Variants in PFKFB1 observed in about 807,000 individuals in gnomAD.
PFKFB1 encodes 6-phosphofructo-2-kinase/fructose-2,6-biphosphatase 1.
In PFKFB1, 34 loss-of-function variants were observed where a neutral mutation model predicts 46.4. That is an observed-to-expected ratio of 0.73 (90% confidence interval 0.56 to 0.98). The LOEUF is 0.98. Among genes scored for constraint, PFKFB1 ranks in the 50% least tolerant of loss-of-function variants. The probability of loss-of-function intolerance (pLI) is 0.00; values close to 1 mark genes in which losing one functional copy is unlikely to be tolerated. For synonymous variants in PFKFB1, 119 were observed against 133.8 expected (o/e 0.89, Z 0.76); for missense variants, 393 against 376.3 (o/e 1.04, Z -0.37).
At position 54,933,065 on chromosome X, in the gene PFKFB1, C is replaced by G. The variant is rs5960056; in HGVS notation, c.*338G>C. On this transcript the variant is annotated 3_prime_UTR_variant, in exon 14 of 14. Coordinates refer to ENST00000375006, the MANE Select transcript of PFKFB1 (RefSeq NM_002625.4). ...CTTTTCCCTCCAGGAAATCCTCACC[C>G]ATTCCATGCCCTCACAGCAGCAGAG... is the stretch of plus-strand genomic sequence containing the variant. The G allele has an allele frequency of 0.011, 2,326 of 209,983 alleles. 36 individuals carry two copies. The highest frequency in any genetic ancestry group is 0.062 in the African/African-American group (2,160 of 34,983). 17.3% of individuals were successfully genotyped at this position (209,983 alleles called of 1,213,427 possible).
At chrX:54,976,687 T>A (rs1056401155) in intron 1 of PFKFB1, among the ~76,000 whole-genome samples, 22 of 111,603 alleles carry the variant, frequency 2.0e-4, no homozygotes, top group African/African-American at 7.1e-4. Flanking sequence ...AAAATGTATA[T>A]GAGAATATTT....
intron 11 of PFKFB1, among the ~76,000 whole-genome samples, chrX:54,935,214 TTGGAAAA>T (rs1338301798): frequency 8.9e-6 from 1 of 111,985 alleles, no homozygotes; most frequent in East Asian, 2.8e-4. Flanking sequence ...CAGGAATGCC[TTGGAAAA>T]TGGTGGTAGA....
intron 1 of PFKFB1, among the ~76,000 whole-genome samples, chrX:54,966,833 G>C (rs1325243221): frequency 1.8e-5 from 2 of 111,709 alleles, no homozygotes; most frequent in Non-Finnish European, 3.8e-5. Flanking sequence ...GAGAGCCCAG[G>C]GAACTGGAAA....
intron 1 of PFKFB1, among the ~76,000 whole-genome samples, chrX:54,991,437 C>T (rs1935235429): frequency 9.0e-6 from 1 of 110,782 alleles, no homozygotes. Flanking sequence ...GACTCAATGT[C>T]ACAAAGATGG....
chrX:54,964,372 G>C lies in PFKFB1; in HGVS notation c.98-990C>G, dbSNP rs7055905. ...ATAACAGTGGAATACATCTATAAGA[G>C]ATTTAAGAGATATATTATCTCCAGG... On this transcript the variant is annotated intron_variant, in intron 1 of 13. Coordinates refer to ENST00000375006, the MANE Select transcript of PFKFB1 (RefSeq NM_002625.4). Among the ~76,000 whole-genome samples, 704 of 110,704 alleles carry C rather than the reference G, an allele frequency of 6.4e-3. 7 individuals carry two copies. Among genetic ancestry groups the C allele is most frequent in the African/African-American group, 0.021 (643 of 30,058 alleles).
rs778268321 is a variant in PFKFB1 at position 54,953,577 on chromosome X, A to G, written c.639-1465T>C. On this transcript the variant is annotated intron_variant, in intron 7 of 13. Coordinates refer to ENST00000375006, the MANE Select transcript of PFKFB1 (RefSeq NM_002625.4). Reference sequence around the variant, plus strand: ...CCACCTTCTCGGGAAGAAGAACCCCAGAATGCTCCCCTCTCCAATCATTTC... The same window carrying G: ...CCACCTTCTCGGGAAGAAGAACCCCGGAATGCTCCCCTCTCCAATCATTTC... 5.4e-5 allele frequency among the ~76,000 whole-genome samples: 6 copies of G among 111,972 alleles called. No individual in the cohort carries two copies. In the South Asian group the frequency reaches 2.3e-3, roughly 42 times the overall value.
At chrX:54,972,287 G>C (rs1418058481) in intron 1 of PFKFB1, among the ~76,000 whole-genome samples, 1 of 109,812 alleles carries the variant, frequency 9.1e-6, no homozygotes, top group Admixed American at 9.7e-5. Context: ...TCTGCAAACA[G>C]GGACAATTTG....
rs1195090735 is a variant in PFKFB1 at position 54,933,351 on chromosome X, C to T, written c.*52G>A. The stretch of plus-strand genomic sequence containing the variant: ...AGGAGAAGAGCAAAGATAGCATTTC[C>T]TAAAGGTGGAAGGCGATGAGGACAC... On this transcript the variant is annotated 3_prime_UTR_variant, in exon 14 of 14. Coordinates refer to ENST00000375006, the MANE Select transcript of PFKFB1 (RefSeq NM_002625.4). 1 of 1,019,801 alleles carries T rather than the reference C, an allele frequency of 9.8e-7. No individual in the cohort carries two copies. The highest frequency in any genetic ancestry group is 3.0e-5 in the East Asian group (1 of 32,924). 84.0% of individuals were successfully genotyped at this position (1,019,801 alleles called of 1,213,427 possible).
intron 1 of PFKFB1, among the ~76,000 whole-genome samples, chrX:54,977,459 T>C (rs922930841): frequency 1.8e-5 from 2 of 110,881 alleles, no homozygotes; most frequent in African/African-American, 6.5e-5. Flanking sequence ...TTGTAGATAA[T>C]GAGAGTCAGG....
chrX:54,951,998 A>C lies in PFKFB1; in HGVS notation c.753T>G (p.Pro251=). The change falls in exon 8 of 14, where the codon CCT becomes CCG. Residue 251 remains proline, a synonymous_variant. Transcript: ENST00000375006. ...VYYLMNIHVT[P]RSIYLCRHGE... ...CATGTCGGCAAAGGTAGATGGAGCG[A>C]GGTGTGACATGGATATTCATGAGGT... The C allele has an allele frequency of 8.3e-7, 1 of 1,210,847 alleles. No individual in the cohort carries two copies.
intron 9 of PFKFB1, among the ~76,000 whole-genome samples, chrX:54,947,900 C>T (rs1265786716): frequency 1.8e-5 from 2 of 109,810 alleles, no homozygotes; most frequent in East Asian, 5.7e-4. Flanking sequence ...GCCAGTGCAC[C>T]AGCAAGCCCT....
At chrX:54,947,287 A>G (rs1454064595) in intron 9 of PFKFB1, among the ~76,000 whole-genome samples, 1 of 111,613 alleles carries the variant, frequency 9.0e-6, no homozygotes, top group Non-Finnish European at 1.9e-5. Context: ...TGTATCACAC[A>G]TGCTGTTCTC....
rs1003673955 is a variant in PFKFB1 at position 54,945,368 on chromosome X, T to C, written c.1098+71A>G. The C allele has an allele frequency of 1.2e-4, 68 of 585,149 alleles. 1 individual carries two copies. In the African/African-American group the frequency reaches 1.4e-3, roughly 12 times the overall value. 48.2% of individuals were successfully genotyped at this position (585,149 alleles called of 1,213,427 possible). ...GTTTCTAAAGCTGTCTAGACAATTG[T>C]GGAATCCTAGCAGTTGCAATGAAGA... On this transcript the variant is annotated intron_variant, in intron 10 of 13. Transcript: ENST00000375006.
In PFKFB1 at chrX:54,994,127, G is replaced by T; in HGVS notation, c.-120C>A. On this transcript the variant is annotated 5_prime_UTR_variant, in exon 1 of 14. Transcript: ENST00000375006. ...AGCAGGTGGACAGGGCTGGGACAGG[G>T]GGTGTACTGGGTTTCTGAGCCCTCT... 1.8e-6 allele frequency: 2 copies of T among 1,105,034 alleles called. No individual in the cohort carries two copies. Among genetic ancestry groups the T allele is most frequent in the Non-Finnish European group, 2.4e-6 (2 of 844,850 alleles). The allele number at this position is 1,105,034 out of a possible 1,213,427, so 91.1% of individuals were successfully genotyped here.
intron 10 of PFKFB1, among the ~76,000 whole-genome samples, chrX:54,944,605 T>G (rs1330797399): frequency 8.9e-6 from 1 of 111,741 alleles, no homozygotes; most frequent in Non-Finnish European, 1.9e-5. Flanking sequence ...ATAAAATACG[T>G]TTTTAGGCAA....
chrX:54,945,521 T>C lies in PFKFB1; in HGVS notation c.1016A>G (p.Tyr339Cys). The change falls in exon 10 of 14, where the codon TAT (tyrosine) becomes TGT (cysteine). Residue 339 changes from tyrosine (Y) to cysteine (C), a missense_variant. Transcript: ENST00000375006. ...IDAGVCEEMTYEEIQEHYPEE... is the reference protein window; with the variant it reads ...IDAGVCEEMTCEEIQEHYPEE... ...AGGGTAATGTTCCTGGATTTCTTCA[T>C]AGGTCATCTCCTCACAGACACCCTG... is the stretch of plus-strand genomic sequence containing the variant. 8.4e-7 allele frequency: 1 copy of C among 1,187,513 alleles called. No individual in the cohort carries two copies. The highest frequency in any genetic ancestry group is 1.1e-6 in the Non-Finnish European group (1 of 875,042).
At chrX:54,968,994 A>G (rs987073036) in intron 1 of PFKFB1, among the ~76,000 whole-genome samples, 20 of 112,041 alleles carry the variant, frequency 1.8e-4, no homozygotes, top group African/African-American at 6.1e-4. Flanking sequence ...AAATTTGGCT[A>G]TATATAAAAT....
chrX:54,991,509 TTC>T (rs199889128), intron 1 of PFKFB1, among the ~76,000 whole-genome samples: 24 of 101,457 alleles, frequency 2.4e-4, no homozygotes, highest in African/African-American at 8.2e-4. Flanking sequence ...ATCCCAAAAG[TTC>T]TCTCTCTCTC....
intron 1 of PFKFB1, 126 bp downstream of exon 1, chrX:54,993,785 G>C: frequency 1.1e-6 from 1 of 937,952 alleles, no homozygotes. Context: ...ATTTCATCCA[G>C]TTGTTCATCT....
Sources: gnomAD v4.1 joint callset for allele counts (sites outside exome capture counted in the v4.1 genomes callset) on GRCh38, gnomAD v4.1.1 for gene constraint, MANE v1.5 for transcripts, NCBI Gene and HGNC (gene_info 2026-07-23, HGNC 2026-07-21) for gene names.